SLC9C1: variants seen among roughly 807,000 people sequenced by gnomAD.
SLC9C1 encodes the protein solute carrier family 9 member C1.
In SLC9C1, 97 loss-of-function variants were observed where a neutral mutation model predicts 140.9. The ratio of observed to expected loss-of-function variants is 0.69; its 90% CI spans 0.58 to 0.82. The LOEUF is 0.82. Among genes scored for constraint, SLC9C1 ranks in the 40% least tolerant of loss-of-function variants. The probability of loss-of-function intolerance (pLI) is 0.00; values close to 1 mark genes in which losing one functional copy is unlikely to be tolerated. For synonymous variants in SLC9C1, 440 were observed against 442.6 expected (o/e 0.99, Z 0.07); for missense variants, 1,340 against 1,389.3 (o/e 0.96, Z 0.56).
At chr3:112,223,640 A>G (rs1230641827) in intron 13 of SLC9C1, among the ~76,000 whole-genome samples, 6 of 152,174 alleles carry the variant, frequency 3.9e-5, no homozygotes, top group Non-Finnish European at 8.8e-5. Flanking sequence ...AAAGGAAAAG[A>G]AAAAGAAAGA....
At chr3:112,235,019 C>A (rs1328570255) in intron 12 of SLC9C1, among the ~76,000 whole-genome samples, 1 of 151,664 alleles carries the variant, frequency 6.6e-6, no homozygotes, top group Admixed American at 6.6e-5. Flanking sequence ...TGAAGAAAGT[C>A]ATTGGTAGCT....
rs73853369 is a variant in SLC9C1, at chr3:112,231,590, A to G, written c.1447-104T>C. On this transcript the variant is annotated intron_variant, in intron 12 of 28. Coordinates refer to ENST00000305815, the MANE Select transcript of SLC9C1 (RefSeq NM_183061.3). Reference sequence around the variant, plus strand: ...GTACCAGTTTGCATTGAAAAATGGTAGCAAATCTGGTAGATAAGAAAAATG... The same window carrying G: ...GTACCAGTTTGCATTGAAAAATGGTGGCAAATCTGGTAGATAAGAAAAATG... 7.0e-4 allele frequency: 779 copies of G among 1,113,144 alleles called. 2 individuals carry two copies. The African/African-American group carries it at 8.3e-3, about 12-fold the overall frequency. 69.0% of individuals were successfully genotyped at this position (1,113,144 alleles called of 1,614,324 possible). A position where few individuals can be genotyped will look rare whatever the true frequency, so the allele number is the denominator to read the frequency against.
chr3:112,144,336 C>T (rs2074721714), intron 28 of SLC9C1, among the ~76,000 whole-genome samples: 1 of 151,846 alleles, frequency 6.6e-6, no homozygotes, highest in African/African-American at 2.4e-5. Flanking sequence ...CACCATCAAG[C>T]CCAGCTATTT....
At chr3:112,257,733 CA>C (rs1489718680) in intron 10 of SLC9C1, among the ~76,000 whole-genome samples, 2 of 152,004 alleles carry the variant, frequency 1.3e-5, no homozygotes, top group Non-Finnish European at 2.9e-5. Flanking sequence ...TTCTGCACAG[CA>C]AAAGAAACTA....
rs1342861060 is a variant in SLC9C1, at chr3:112,215,298, C to T, written c.1790+2144G>A. The stretch of plus-strand genomic sequence containing the variant: ...AAAGCATTCCCTTTGAAAACTGGCA[C>T]AAGACAGGGATGCCCTCTCTCACCA... On this transcript the variant is annotated intron_variant, in intron 15 of 28. Coordinates refer to ENST00000305815, the MANE Select transcript of SLC9C1 (RefSeq NM_183061.3). Among the ~76,000 whole-genome samples, 6 of 152,142 alleles carry T rather than the reference C, an allele frequency of 3.9e-5. No homozygotes were observed. In the South Asian group the frequency reaches 1.0e-3, roughly 26 times the overall value.
chr3:112,197,113 G>T (rs143287973), intron 20 of SLC9C1, among the ~76,000 whole-genome samples: 165 of 152,184 alleles, frequency 1.1e-3, no homozygotes, highest in Middle Eastern at 3.4e-3. Flanking sequence ...TTAAGGCATT[G>T]TCAGGGTTTT....
chr3:112,195,819 T>A (rs140080049), intron 20 of SLC9C1, among the ~76,000 whole-genome samples: 10 of 152,120 alleles, frequency 6.6e-5, no homozygotes, highest in Non-Finnish European at 1.3e-4. Context: ...TCCAAAAACA[T>A]GAAATATTTT....
rs187181530 is a variant in SLC9C1, at chr3:112,258,582, C to T, written c.1197+4342G>A. On this transcript the variant is annotated intron_variant, in intron 10 of 28. Coordinates refer to ENST00000305815, the MANE Select transcript of SLC9C1 (RefSeq NM_183061.3). ...CTGAGTATCTGGGACTACAGGTGCGCACCACCACACAGGCTATTTGTATTT... is the reference window on the plus strand; with the variant it reads ...CTGAGTATCTGGGACTACAGGTGCGTACCACCACACAGGCTATTTGTATTT... Among the ~76,000 whole-genome samples the T allele has an allele frequency of 9.7e-3, 1,474 of 152,036 alleles. 10 individuals are homozygous for T. Among genetic ancestry groups the T allele is most frequent in the Non-Finnish European group, 0.017 (1,124 of 67,940 alleles).
rs748940005 is a variant in SLC9C1, at chr3:112,266,340, C to T, written c.776G>A (p.Cys259Tyr). The T allele has an allele frequency of 1.9e-6, 3 of 1,592,204 alleles. No individual in the cohort carries two copies. The highest frequency in any genetic ancestry group is 2.7e-5 in the African/African-American group (2 of 73,964). ...TATTCCTGACATTCCAACTAACTCA[C>T]CTATTTTTAAAAAGAAATAAATATA... ...FSILYLIFYI[C>Y]ELVGMSGIFT... is the part of the protein sequence containing the mutation. Residue 259 changes from cysteine (C) to tyrosine (Y), a missense_variant and splice_region_variant, in exon 8 of 29, where the codon TGT becomes TAT. By Grantham distance (194) the Cys-to-Tyr change is radical (BLOSUM62 -2). Coordinates refer to ENST00000305815, the MANE Select transcript of SLC9C1 (RefSeq NM_183061.3).
Position 112,208,263 on chromosome 3 carries a change from G to A in SLC9C1, c.1901C>T (p.Ser634Phe). The A allele has an allele frequency of 6.2e-7, 1 of 1,611,250 alleles. No homozygotes were observed. The highest frequency in any genetic ancestry group is 8.5e-7 in the Non-Finnish European group (1 of 1,178,402). The stretch of plus-strand genomic sequence containing the variant: ...GCTGTGGTAGATTACATTTAACTGG[G>A]ATATCCAAGAGATTATAAAGGGAAA... ...NIFPFIISWI[S>F]QLNVIYHSEL... The change falls in exon 16 of 29, where the codon TCC becomes TTC. Residue 634 changes from serine (S) to phenylalanine (F), a missense_variant. Transcript: ENST00000305815.
At chr3:112,212,005 A>G (rs978664171) in intron 15 of SLC9C1, among the ~76,000 whole-genome samples, 8 of 152,210 alleles carry the variant, frequency 5.3e-5, no homozygotes, top group Admixed American at 1.3e-4. Context: ...CTCTGAGATG[A>G]AACATCCGGA....
chr3:112,226,700 C>G (rs550758368), intron 13 of SLC9C1, among the ~76,000 whole-genome samples: 1 of 142,584 alleles, frequency 7.0e-6, no homozygotes, highest in Non-Finnish European at 1.5e-5. Flanking sequence ...CCAGCCTGGG[C>G]GATAGAGTAA....
chr3:112,240,239 A>G (rs920172145), intron 11 of SLC9C1, among the ~76,000 whole-genome samples: 2 of 152,248 alleles, frequency 1.3e-5, no homozygotes, highest in African/African-American at 2.4e-5. Flanking sequence ...TGCTTACTAT[A>G]TTCTGCAAAA....
At chr3:112,244,176 A>T in intron 10 of SLC9C1, 100 bp from the exon 11 acceptor site, 1 of 722,042 alleles carries the variant, frequency 1.4e-6, no homozygotes, top group Non-Finnish European at 2.1e-6. Flanking sequence ...ATATAAATTA[A>T]GCTAGGTTGT....
chr3:112,270,000 G>C lies in SLC9C1; in HGVS notation c.691C>G (p.Gln231Glu), dbSNP rs1289970654. ...CCAAAAACAGTTGACATCCAAAATT[G>C]AATCAGTTTTGAACTTAGAATTCCA... is the stretch of plus-strand genomic sequence containing the variant. ...LFGILSSKLI[Q>E]FWMSTVFGDD... Residue 231 changes from glutamine (Q) to glutamate (E), a missense_variant, in exon 7 of 29, where the codon CAA becomes GAA. Physicochemically the swap from Gln to Glu is conservative, Grantham distance 29. Transcript: ENST00000305815. 6.2e-6 allele frequency: 10 copies of C among 1,601,030 alleles called. No homozygotes were observed. Among genetic ancestry groups the C allele is most frequent in the East Asian group, 4.5e-5 (2 of 44,016 alleles).
chr3:112,282,956 A>T (rs1020398396), intron 2 of SLC9C1, among the ~76,000 whole-genome samples: 9 of 152,258 alleles, frequency 5.9e-5, no homozygotes, highest in Admixed American at 2.6e-4. Context: ...ATAAAAATTG[A>T]TACAAATTTT....
chr3:112,231,910 A>C (rs2078840211), intron 12 of SLC9C1, among the ~76,000 whole-genome samples: 1 of 152,120 alleles, frequency 6.6e-6, no homozygotes, highest in Non-Finnish European at 1.5e-5. Flanking sequence ...GTGTTTCTAA[A>C]ACCCCATTTG....
At chr3:112,258,641 G>A (rs1439040741) in intron 10 of SLC9C1, among the ~76,000 whole-genome samples, 4 of 152,018 alleles carry the variant, frequency 2.6e-5, no homozygotes, top group South Asian at 2.1e-4. Context: ...TGTATTTTTA[G>A]TAGAGACAGG....
intron 17 of SLC9C1, among the ~76,000 whole-genome samples, chr3:112,202,662 G>A (rs1290463781): frequency 6.6e-6 from 1 of 151,808 alleles, no homozygotes; most frequent in Non-Finnish European, 1.5e-5. Flanking sequence ...ATAGAGAATT[G>A]GATGCTATTT....
Sources: gnomAD v4.1 joint callset for allele counts (sites outside exome capture counted in the v4.1 genomes callset) on GRCh38, gnomAD v4.1.1 for gene constraint, MANE v1.5 for transcripts, NCBI Gene and HGNC (gene_info 2026-07-23, HGNC 2026-07-21) for gene names.